The following LEKR1 variants were observed in gnomAD, a reference collection of about 807,000 sequenced individuals.
LEKR1 encodes the protein protein LEKR1.
In LEKR1, 59 loss-of-function variants were observed where a neutral mutation model predicts 72.4. The observed-to-expected ratio is 0.82, with a 90% CI of 0.66 to 1.01. The LOEUF is 1.01. LEKR1 is among the 50% of genes least tolerant of loss of function. The probability of loss-of-function intolerance (pLI) is 0.00; values close to 1 mark genes in which losing one functional copy is unlikely to be tolerated. For missense variants in LEKR1, 728 were observed against 759.2 expected (o/e 0.96, Z 0.48); for synonymous variants, 257 against 263.2 (o/e 0.98, Z 0.23).
chr3:156,920,886 A>G, intron 4 of LEKR1, 192 bp downstream of exon 4: 1 of 397,164 alleles, frequency 2.5e-6, no homozygotes. Context: ...TTAAATTTAA[A>G]TTAGGCATAT....
intron 9 of LEKR1, among the ~76,000 whole-genome samples, chr3:157,002,754 TAG>T (rs1732111345): frequency 6.6e-6 from 1 of 152,188 alleles, no homozygotes; most frequent in South Asian, 2.1e-4. Context: ...TATACTTTGT[TAG>T]AAATGTCATA....
chr3:157,009,841 T>A (rs918039605), intron 9 of LEKR1, among the ~76,000 whole-genome samples: 6 of 152,116 alleles, frequency 3.9e-5, no homozygotes, highest in Non-Finnish European at 7.4e-5. Context: ...TAGGCACTTG[T>A]AAGTTTAGAA....
chr3:157,001,139 G>A (rs1052714595), intron 9 of LEKR1, among the ~76,000 whole-genome samples: 24 of 152,166 alleles, frequency 1.6e-4, no homozygotes, highest in African/African-American at 5.6e-4. Flanking sequence ...TGTCTTTATA[G>A]CAGTGTTAAA....
At chr3:156,976,637 T>G (rs1394618986) in intron 6 of LEKR1, among the ~76,000 whole-genome samples, 3 of 152,196 alleles carry the variant, frequency 2.0e-5, no homozygotes, top group Non-Finnish European at 4.4e-5. Context: ...GTATACCTCT[T>G]TAAGGATTCT....
intron 5 of LEKR1, among the ~76,000 whole-genome samples, chr3:156,936,666 AT>A (rs1725747066): frequency 6.6e-6 from 1 of 152,322 alleles, no homozygotes; most frequent in African/African-American, 2.4e-5. Flanking sequence ...AATCTACATA[AT>A]TAGACCAGAA....
At chr3:156,984,855 G>A (rs1313574584) in intron 7 of LEKR1, among the ~76,000 whole-genome samples, 1 of 151,694 alleles carries the variant, frequency 6.6e-6, no homozygotes, top group East Asian at 1.9e-4. Context: ...CCATCACAAA[G>A]TACTAATTTT....
intron 5 of LEKR1, among the ~76,000 whole-genome samples, chr3:156,933,570 G>C (rs1008359039): frequency 1.5e-4 from 23 of 152,224 alleles, no homozygotes; most frequent in African/African-American, 5.5e-4. Flanking sequence ...TCATTTTTGA[G>C]TGTCTTGTCA....
chr3:156,931,613 A>G (rs1339803999), intron 5 of LEKR1, among the ~76,000 whole-genome samples: 1 of 152,200 alleles, frequency 6.6e-6, no homozygotes, highest in Non-Finnish European at 1.5e-5. Flanking sequence ...GGAGTACATC[A>G]GTAGTAGAAT....
chr3:157,045,941 G>A lies in LEKR1; in HGVS notation c.*191G>A, dbSNP rs1454363109. The A allele has an allele frequency of 5.2e-6, 3 of 577,624 alleles. No homozygotes were observed. The Admixed American group carries it at 9.3e-5, about 18-fold the overall frequency. The allele number at this position is 577,624 out of a possible 1,614,324, so 35.8% of individuals were successfully genotyped here. ...AAGCCTTATTTTTCAAGAGGGTTTT[G>A]ATAGAGTAACAGATCATTAAGTTGT... On this transcript the variant is annotated 3_prime_UTR_variant, in exon 13 of 13. Coordinates refer to ENST00000356539, the MANE Select transcript of LEKR1 (RefSeq NM_001004316.3).
intron 3 of LEKR1, among the ~76,000 whole-genome samples, chr3:156,894,785 A>G (rs1334734970): frequency 6.6e-6 from 1 of 152,234 alleles, no homozygotes; most frequent in Non-Finnish European, 1.5e-5. Context: ...TAAAACAAGC[A>G]ATGGGGAAAG....
At chr3:156,862,075 CA>C (rs1347719381) in intron 3 of LEKR1, among the ~76,000 whole-genome samples, 1 of 152,008 alleles carries the variant, frequency 6.6e-6, no homozygotes, top group Non-Finnish European at 1.5e-5. Context: ...ACTTATTTAA[CA>C]ATATTGATAG....
intron 7 of LEKR1, among the ~76,000 whole-genome samples, chr3:156,989,505 TG>T (rs1364818049): frequency 6.6e-6 from 1 of 152,232 alleles, no homozygotes; most frequent in Non-Finnish European, 1.5e-5. Flanking sequence ...TGGACAATAG[TG>T]GGTATTATAA....
At chr3:156,958,979 T>C (rs1157336442) in intron 6 of LEKR1, among the ~76,000 whole-genome samples, 1 of 152,208 alleles carries the variant, frequency 6.6e-6, no homozygotes, top group Non-Finnish European at 1.5e-5. Flanking sequence ...ATCTTCTTAA[T>C]CTGCTTTCTT....
intron 2 of LEKR1, among the ~76,000 whole-genome samples, chr3:156,845,015 C>T (rs1260934147): frequency 1.3e-5 from 2 of 151,106 alleles, no homozygotes; most frequent in African/African-American, 4.9e-5. Context: ...CACATCTTTA[C>T]CAGCATTTGA....
chr3:156,883,929 T>C (rs1038655525), intron 3 of LEKR1, among the ~76,000 whole-genome samples: 2 of 152,222 alleles, frequency 1.3e-5, no homozygotes, highest in Non-Finnish European at 2.9e-5. Context: ...TTAGGTCTAA[T>C]AGTAATTGTT....
intron 12 of LEKR1, among the ~76,000 whole-genome samples, chr3:157,040,481 T>C (rs190339725): frequency 6.6e-6 from 1 of 152,366 alleles, no homozygotes; most frequent in African/African-American, 2.4e-5. Flanking sequence ...ATTCTCATTC[T>C]TCTCTTACCA....
chr3:156,856,870 A>T (rs1716122710), intron 3 of LEKR1, among the ~76,000 whole-genome samples: 1 of 152,116 alleles, frequency 6.6e-6, no homozygotes, highest in Admixed American at 6.6e-5. Flanking sequence ...AGTGCCTGTC[A>T]TCTTTTTATT....
At chr3:156,858,333 A>T (rs370014356) in intron 3 of LEKR1, among the ~76,000 whole-genome samples, 54 of 152,274 alleles carry the variant, frequency 3.5e-4, no homozygotes, top group African/African-American at 1.3e-3. Flanking sequence ...CTTTTTAAAG[A>T]ACCAGATTTT....
At chr3:156,967,840 G>A (rs1178956905) in intron 6 of LEKR1, among the ~76,000 whole-genome samples, 1 of 152,120 alleles carries the variant, frequency 6.6e-6, no homozygotes, top group African/African-American at 2.4e-5. Flanking sequence ...CACCAAAATT[G>A]AAATGAAGGA....
Sources: allele counts gnomAD v4.1 joint callset (sites outside exome capture counted in the v4.1 genomes callset), GRCh38; gene constraint gnomAD v4.1.1; transcripts MANE v1.5; gene names NCBI Gene and HGNC (gene_info 2026-07-23, HGNC 2026-07-21).